NAV3: variants seen among roughly 807,000 people sequenced by gnomAD.
NAV3 encodes pore membrane and/or filament interacting like protein 1.
Under a neutral mutation model 244.7 loss-of-function variants are expected in NAV3, and 87 were observed. That is an observed-to-expected ratio of 0.36 (90% CI 0.30 to 0.42). The LOEUF is 0.42. Ranked by LOEUF, NAV3 falls within the 20% of genes least tolerant of loss-of-function variation. NAV3 has a pLI of 1.00. For missense variants in NAV3, 2,663 were observed against 2,893.3 expected, an observed-to-expected ratio of 0.92 and a Z score of 1.83; for synonymous variants, 1,126 against 1,042.2, an observed-to-expected ratio of 1.08 and a Z score of -1.55.
chr12:78,029,767 A>T (rs902580710), intron 9 of NAV3, among the ~76,000 whole-genome samples: 3 of 152,152 alleles, frequency 2.0e-5, no homozygotes, highest in South Asian at 4.1e-4. Flanking sequence ...CTGCTTAGTG[A>T]CCTTGAACAC....
chr12:78,078,630 C>G (rs527674744), intron 12 of NAV3, among the ~76,000 whole-genome samples: 247 of 151,918 alleles, frequency 1.6e-3, no homozygotes, highest in Non-Finnish European at 2.4e-3. Flanking sequence ...CTCCTGACCT[C>G]GTGATCCGCC....
intron 30 of NAV3, among the ~76,000 whole-genome samples, chr12:78,182,905 G>A (rs1054091554): frequency 6.6e-6 from 1 of 151,828 alleles, no homozygotes; most frequent in East Asian, 1.9e-4. Context: ...CTTTATGCTG[G>A]GGCTTTTTAA....
chr12:77,952,033 G>A lies in NAV3; in HGVS notation c.414+10900G>A, dbSNP rs145486766. 1.6e-3 allele frequency among the ~76,000 whole-genome samples: 234 copies of A among 149,484 alleles called. 2 individuals are homozygous for A. The highest frequency in any genetic ancestry group is 5.5e-3 in the African/African-American group (222 of 40,652). ...GTATACATATGTAACAAACCTGCAC[G>A]TTGTGCACAGGTACCCTAGATCTTA... On this transcript the variant is annotated intron_variant, in intron 3 of 39. Coordinates refer to ENST00000397909, the MANE Select transcript of NAV3 (RefSeq NM_001024383.2).
intron 2 of NAV3, among the ~76,000 whole-genome samples, chr12:77,727,832 G>A (rs1168090146): frequency 1.3e-5 from 2 of 151,896 alleles, no homozygotes; most frequent in Non-Finnish European, 2.9e-5. Flanking sequence ...CAGGCAGTCT[G>A]TATTACATAA....
intron 2 of NAV3, among the ~76,000 whole-genome samples, chr12:77,719,666 C>A (rs1876522727): frequency 6.6e-6 from 1 of 152,014 alleles, no homozygotes; most frequent in African/African-American, 2.4e-5. Flanking sequence ...GGTGTATGAT[C>A]CTTTTAATAT....
intron 2 of NAV3, among the ~76,000 whole-genome samples, chr12:77,662,204 A>G (rs893269338): frequency 7.6e-5 from 11 of 145,508 alleles, no homozygotes; most frequent in African/African-American, 2.8e-4. Flanking sequence ...ATCTCACCTT[A>G]TTATATATCT....
At chr12:77,873,267 A>T (rs543694552) in intron 1 of NAV3, among the ~76,000 whole-genome samples, 8 of 152,290 alleles carry the variant, frequency 5.3e-5, no homozygotes, top group South Asian at 4.1e-4. Context: ...ATGGATTAAT[A>T]CAATACCCAT....
At chr12:77,697,335 G>C (rs1056760974) in intron 2 of NAV3, among the ~76,000 whole-genome samples, 2 of 152,104 alleles carry the variant, frequency 1.3e-5, no homozygotes, top group African/African-American at 4.8e-5. Flanking sequence ...AGGTCAAAAT[G>C]GCTTCAACTA....
intron 2 of NAV3, among the ~76,000 whole-genome samples, chr12:77,681,346 G>A (rs1874448531): frequency 6.6e-6 from 1 of 152,102 alleles, no homozygotes. Context: ...CAAATCTTTT[G>A]TGTGTAGTAA....
intron 2 of NAV3, among the ~76,000 whole-genome samples, chr12:77,785,679 G>A (rs1870872755): frequency 6.6e-6 from 1 of 152,160 alleles, no homozygotes; most frequent in Non-Finnish European, 1.5e-5. Context: ...GAAGCACAAA[G>A]TCTCATGATA....
At chr12:77,885,247 G>A (rs1453134841) in intron 1 of NAV3, among the ~76,000 whole-genome samples, 1 of 152,034 alleles carries the variant, frequency 6.6e-6, no homozygotes, top group East Asian at 1.9e-4. Context: ...CTCTATTTAT[G>A]TCACAGAGTC....
Position 78,149,007 on chromosome 12 carries a change from G to T in NAV3, c.4785+88G>T, listed in dbSNP as rs1316189467. ...TTAGTAACAAACTTACAAATTTTCA[G>T]TGCCTGATACAGACTTAGATTACCA... On this transcript the variant is annotated intron_variant, in intron 22 of 39. Coordinates refer to ENST00000397909, the MANE Select transcript of NAV3 (RefSeq NM_001024383.2). 6 of 1,104,486 alleles carry T rather than the reference G, an allele frequency of 5.4e-6. No homozygotes were observed. The African/African-American group carries it at 9.4e-5, about 17-fold the overall frequency. The allele number at this position is 1,104,486 out of a possible 1,614,324, so 68.4% of individuals were successfully genotyped here.
chr12:77,767,591 C>T (rs1258935463), intron 2 of NAV3, among the ~76,000 whole-genome samples: 6 of 152,166 alleles, frequency 3.9e-5, no homozygotes, highest in East Asian at 1.9e-4. Flanking sequence ...TGTGGTGGGG[C>T]GGGCAGCTCC....
intron 2 of NAV3, among the ~76,000 whole-genome samples, chr12:77,660,186 A>G (rs1310934853): frequency 6.6e-6 from 1 of 152,188 alleles, no homozygotes; most frequent in Non-Finnish European, 1.5e-5. Context: ...TGTATCAGAA[A>G]TTACTTATAG....
intron 27 of NAV3, 25 bp downstream of exon 27, chr12:78,177,338 C>G: frequency 6.3e-7 from 1 of 1,592,932 alleles, no homozygotes; most frequent in East Asian, 2.2e-5. Flanking sequence ...CTGCAAAATG[C>G]AGACATATTT....
intron 5 of NAV3, among the ~76,000 whole-genome samples, chr12:77,983,370 C>T (rs555448798): frequency 4.3e-4 from 66 of 152,204 alleles, no homozygotes; most frequent in Middle Eastern, 3.4e-3. Flanking sequence ...GGGTAAAAGA[C>T]AATCATCACG....
intron 24 of NAV3, 62 bp downstream of exon 24, chr12:78,168,928 TACAGTAGA>T: frequency 8.9e-7 from 1 of 1,127,324 alleles, no homozygotes; most frequent in Non-Finnish European, 1.3e-6. Context: ...ATTTATTAAT[TACAGTAGA>T]ACTGCATTTA....
At chr12:78,021,359 TG>T (rs1256305382) in intron 8 of NAV3, among the ~76,000 whole-genome samples, 1 of 152,124 alleles carries the variant, frequency 6.6e-6, no homozygotes, top group Admixed American at 6.6e-5. Flanking sequence ...ATAGAATTTT[TG>T]TTTTAAAAAA....
At chr12:78,105,364 G>A (rs1954750083) in intron 12 of NAV3, among the ~76,000 whole-genome samples, 1 of 152,066 alleles carries the variant, frequency 6.6e-6, no homozygotes, top group Non-Finnish European at 1.5e-5. Context: ...ATAAAGTGGG[G>A]ATAATTGTAC....
Sources: allele counts gnomAD v4.1 joint callset (sites outside exome capture counted in the v4.1 genomes callset), GRCh38; gene constraint gnomAD v4.1.1; transcripts MANE v1.5; gene names NCBI Gene and HGNC (gene_info 2026-07-23, HGNC 2026-07-21).